Variants in ADARB2 observed in about 807,000 individuals in gnomAD.
ADARB2 encodes inactive double-stranded RNA-specific editase B2.
In ADARB2, 25 loss-of-function variants were observed where a neutral mutation model predicts 62.2. That is an observed-to-expected ratio of 0.40 (90% CI 0.29 to 0.56). The LOEUF (loss-of-function observed/expected upper bound fraction) is 0.56, where lower values mean the gene tolerates loss of function less well. ADARB2 is among the 20% of genes least tolerant of loss of function. The pLI is 0.43. For missense variants in ADARB2, 1,071 were observed against 1,077.4 expected (o/e 0.99, Z 0.08); for synonymous variants, 572 against 500.8 (o/e 1.14, Z -1.90).
chr10:1,476,665 T>C (rs536677013), intron 1 of ADARB2, among the ~76,000 whole-genome samples: 7 of 152,188 alleles, frequency 4.6e-5, no homozygotes, highest in Admixed American at 3.9e-4. Context: ...GCCGTTTCCA[T>C]GGCAACCAGA....
intron 1 of ADARB2, among the ~76,000 whole-genome samples, chr10:1,476,362 G>T (rs1421813073): frequency 3.3e-5 from 5 of 152,210 alleles, no homozygotes; most frequent in Non-Finnish European, 7.3e-5. Context: ...GCCCTGCAGG[G>T]CAGAGCTGGG....
intron 7 of ADARB2, among the ~76,000 whole-genome samples, chr10:1,214,179 A>T (rs1183257392): frequency 6.7e-6 from 1 of 149,644 alleles, no homozygotes; most frequent in Admixed American, 6.6e-5. Flanking sequence ...CTGTGCCCGG[A>T]CCTGCTGGCG....
chr10:1,373,464 T>C (rs1832391620), intron 2 of ADARB2, among the ~76,000 whole-genome samples: 1 of 152,122 alleles, frequency 6.6e-6, no homozygotes, highest in Non-Finnish European at 1.5e-5. Flanking sequence ...ACATAACCAG[T>C]GCGTGTACGA....
At chr10:1,700,067 G>A (rs1834801827) in intron 1 of ADARB2, among the ~76,000 whole-genome samples, 1 of 10,744 alleles carries the variant, frequency 9.3e-5, no homozygotes, top group African/African-American at 2.2e-4. Flanking sequence ...ACTCCACCGG[G>A]AGACCAGGCG....
intron 1 of ADARB2, among the ~76,000 whole-genome samples, chr10:1,717,155 GCTT>G (rs1167107157): frequency 1.9e-5 from 1 of 53,956 alleles, no homozygotes; most frequent in Non-Finnish European, 3.7e-5. Context: ...TTTGTAGTGT[GCTT>G]TTTTTTTTTT....
At chr10:1,316,570 G>T (rs1831741981) in intron 3 of ADARB2, among the ~76,000 whole-genome samples, 1 of 152,164 alleles carries the variant, frequency 6.6e-6, no homozygotes, top group Admixed American at 6.5e-5. Flanking sequence ...CCCGGAATAG[G>T]ATTGTTTAAA....
At chr10:1,496,056 T>C (rs890324940) in intron 1 of ADARB2, among the ~76,000 whole-genome samples, 1 of 151,774 alleles carries the variant, frequency 6.6e-6, no homozygotes, top group Non-Finnish European at 1.5e-5. Flanking sequence ...ATCATTATCT[T>C]CATCATCACC....
chr10:1,559,375 G>T (rs1465190064), intron 1 of ADARB2, among the ~76,000 whole-genome samples: 12 of 152,210 alleles, frequency 7.9e-5, no homozygotes, highest in Admixed American at 7.8e-4. Flanking sequence ...TGAGGTCGGA[G>T]TCTCTCTAAG....
intron 3 of ADARB2, among the ~76,000 whole-genome samples, chr10:1,298,170 C>T (rs565955276): frequency 1.1e-4 from 16 of 152,252 alleles, no homozygotes; most frequent in African/African-American, 3.6e-4. Flanking sequence ...GCAAACGAAA[C>T]GGACAGAGAT....
chr10:1,232,425 G>A (rs902641722), intron 6 of ADARB2, among the ~76,000 whole-genome samples: 4 of 150,862 alleles, frequency 2.7e-5, no homozygotes, highest in Non-Finnish European at 5.9e-5. Context: ...TGTGGTATAT[G>A]TGGTGTGTGT....
intron 1 of ADARB2, among the ~76,000 whole-genome samples, chr10:1,708,295 G>A (rs1169908187): frequency 6.6e-6 from 1 of 152,044 alleles, no homozygotes; most frequent in Non-Finnish European, 1.5e-5. Flanking sequence ...AGGGACCCTG[G>A]GCTCCCAACG....
chr10:1,477,999 C>G lies in ADARB2; in HGVS notation c.101-98839G>C, dbSNP rs1831423482. ...TAAACTGTCCCACTGTGTGCCTGTG[C>G]TTGGGTTCTCTCCCTGTGAAAAACC... On this transcript the variant is annotated intron_variant, in intron 1 of 9. Coordinates refer to ENST00000381312, the MANE Select transcript of ADARB2 (RefSeq NM_018702.4). The surrounding 1 kb of genome is among the most constrained non-coding windows in gnomAD (Gnocchi z 4.5). Among the ~76,000 whole-genome samples the G allele has an allele frequency of 6.6e-6, 1 of 152,182 alleles. No individual in the cohort carries two copies. Among genetic ancestry groups the G allele is most frequent in the Non-Finnish European group, 1.5e-5 (1 of 68,032 alleles).
chr10:1,573,055 C>T (rs565506883), intron 1 of ADARB2, among the ~76,000 whole-genome samples: 59 of 152,350 alleles, frequency 3.9e-4, no homozygotes, highest in Non-Finnish European at 7.6e-4. Context: ...TGCAGGCCAG[C>T]GAGCTCTCAG....
At chr10:1,311,198 G>A (rs1831687126) in intron 3 of ADARB2, among the ~76,000 whole-genome samples, 1 of 152,194 alleles carries the variant, frequency 6.6e-6, no homozygotes, top group Non-Finnish European at 1.5e-5. Flanking sequence ...GGGGAATGGT[G>A]GGCACACCAG....
At chr10:1,591,408 G>A (rs1021983449) in intron 1 of ADARB2, among the ~76,000 whole-genome samples, 7 of 152,208 alleles carry the variant, frequency 4.6e-5, no homozygotes, top group African/African-American at 1.4e-4. Context: ...TCGCTGCTGA[G>A]GGTCTACAGC....
intron 8 of ADARB2, among the ~76,000 whole-genome samples, chr10:1,187,118 A>G (rs1836769716): frequency 1.3e-5 from 2 of 152,204 alleles, no homozygotes; most frequent in South Asian, 4.1e-4. Context: ...GGGACACCCA[A>G]GCGAATCCCG....
At chr10:1,721,324 C>T (rs1038224342) in intron 1 of ADARB2, among the ~76,000 whole-genome samples, 7 of 152,180 alleles carry the variant, frequency 4.6e-5, no homozygotes, top group South Asian at 2.1e-4. Context: ...TAAGACCAAA[C>T]GAATGTTGAC....
intron 1 of ADARB2, among the ~76,000 whole-genome samples, chr10:1,510,409 T>G (rs1163190961): frequency 1.3e-5 from 2 of 152,096 alleles, no homozygotes; most frequent in Non-Finnish European, 2.9e-5. Context: ...CTCGAACTCC[T>G]GAGCTCAAGC....
intron 1 of ADARB2, among the ~76,000 whole-genome samples, chr10:1,690,750 C>T (rs1378543254): frequency 6.6e-6 from 1 of 152,164 alleles, no homozygotes; most frequent in African/African-American, 2.4e-5. Context: ...TTCCATGATC[C>T]GATCCCTCTG....
Sources: gnomAD v4.1 joint callset for allele counts (sites outside exome capture counted in the v4.1 genomes callset) on GRCh38, gnomAD v4.1.1 for gene constraint, Gnocchi (gnomAD v3.1) non-coding constraint, MANE v1.5 for transcripts, NCBI Gene and HGNC (gene_info 2026-07-23, HGNC 2026-07-21) for gene names.